The following GPC6 variants were observed in gnomAD, a reference collection of about 807,000 sequenced individuals.
The protein encoded by GPC6 is glypican-6.
GPC6 carries 14 observed loss-of-function variants against 55.2 expected under a neutral mutation model. The ratio of observed to expected loss-of-function variants is 0.25; its 90% CI spans 0.17 to 0.40. GPC6 has a LOEUF of 0.40. Ranked by LOEUF, GPC6 falls within the 10% of genes least tolerant of loss-of-function variation. GPC6 has a pLI of 1.00. For synonymous variants in GPC6, 278 were observed against 259.6 expected (o/e 1.07, Z -0.68); for missense variants, 641 against 708.5 (o/e 0.90, Z 1.08).
At chr13:94,145,930 A>G (rs1442992970) in intron 4 of GPC6, among the ~76,000 whole-genome samples, 1 of 152,188 alleles carries the variant, frequency 6.6e-6, no homozygotes, top group Non-Finnish European at 1.5e-5. Context: ...AGGAGGATCA[A>G]ATGGACTTCT....
intron 1 of GPC6, among the ~76,000 whole-genome samples, chr13:93,412,675 A>C (rs1876552080): frequency 1.3e-5 from 2 of 152,106 alleles, no homozygotes; most frequent in African/African-American, 4.8e-5. Context: ...ACAAACAAAT[A>C]AATCCAGGCC....
At chr13:93,366,097 C>CAG (rs1881238374) in intron 1 of GPC6, among the ~76,000 whole-genome samples, 1 of 152,050 alleles carries the variant, frequency 6.6e-6, no homozygotes, top group South Asian at 2.1e-4. Flanking sequence ...TTGTATGCAG[C>CAG]AGAACACAAT....
At chr13:94,114,802 A>C (rs1178155732) in intron 4 of GPC6, among the ~76,000 whole-genome samples, 3 of 152,182 alleles carry the variant, frequency 2.0e-5, no homozygotes, top group Non-Finnish European at 4.4e-5. Context: ...TCTTGTTAGA[A>C]GCCAAGCTTA....
At chr13:93,230,694 T>G (rs1008521328) in intron 1 of GPC6, among the ~76,000 whole-genome samples, 2 of 152,172 alleles carry the variant, frequency 1.3e-5, no homozygotes, top group Non-Finnish European at 2.9e-5. Context: ...TTAGGAGAGT[T>G]ACTCTCATCA....
intron 3 of GPC6, among the ~76,000 whole-genome samples, chr13:93,895,242 A>ATG (rs1875938984): frequency 1.8e-5 from 1 of 54,390 alleles, no homozygotes. Context: ...GTGTATATAT[A>ATG]TATATATATA....
intron 2 of GPC6, among the ~76,000 whole-genome samples, chr13:93,750,083 G>T (rs577208584): frequency 6.6e-6 from 1 of 152,168 alleles, no homozygotes; most frequent in South Asian, 2.1e-4. Context: ...TTAGGGGAGA[G>T]AAAACTGTAT....
At chr13:93,958,668 G>A in intron 3 of GPC6, among the ~76,000 whole-genome samples, 1 of 151,872 alleles carries the variant, frequency 6.6e-6, no homozygotes, top group East Asian at 1.9e-4. Flanking sequence ...GGGTTGCTTT[G>A]GCTATTTGGG....
intron 1 of GPC6, among the ~76,000 whole-genome samples, chr13:93,348,067 G>A (rs1309135394): frequency 6.6e-6 from 1 of 152,108 alleles, no homozygotes; most frequent in East Asian, 1.9e-4. Context: ...TATTTCCTCT[G>A]GCATAATGTT....
At chr13:93,987,387 AAC>A (rs1175788596) in intron 3 of GPC6, among the ~76,000 whole-genome samples, 2 of 152,208 alleles carry the variant, frequency 1.3e-5, no homozygotes, top group African/African-American at 2.4e-5. Context: ...CTTAATAAGA[AAC>A]AGTTATTAAA....
chr13:93,513,636 C>T (rs562970139), intron 1 of GPC6, among the ~76,000 whole-genome samples: 1 of 152,290 alleles, frequency 6.6e-6, no homozygotes, highest in East Asian at 1.9e-4. Context: ...TACTCAATAA[C>T]TCCTCCTGCC....
At chr13:93,493,817 A>G (rs963003383) in intron 1 of GPC6, among the ~76,000 whole-genome samples, 1 of 116,362 alleles carries the variant, frequency 8.6e-6, no homozygotes, top group Non-Finnish European at 1.9e-5. Context: ...TTCAGTTTCC[A>G]TGTAGTTGAG....
At chr13:94,010,234 T>C (rs76098539) in intron 3 of GPC6, among the ~76,000 whole-genome samples, 1,825 of 152,274 alleles carry the variant, frequency 0.012, 30 homozygotes, top group African/African-American at 0.035. Context: ...CTCATAAAAC[T>C]TCCTTCAAAA....
At chr13:93,451,898 C>T (rs1412076617) in intron 1 of GPC6, among the ~76,000 whole-genome samples, 1 of 152,068 alleles carries the variant, frequency 6.6e-6, no homozygotes, top group East Asian at 1.9e-4. Context: ...GATACCAGAG[C>T]AGTGTATTTC....
intron 1 of GPC6, among the ~76,000 whole-genome samples, chr13:93,453,880 A>C (rs1878325609): frequency 6.6e-6 from 1 of 152,080 alleles, no homozygotes; most frequent in African/African-American, 2.4e-5. Flanking sequence ...ACAGTGTGGA[A>C]GGGGACCTGA....
intron 1 of GPC6, among the ~76,000 whole-genome samples, chr13:93,260,311 G>A (rs946178514): frequency 1.3e-5 from 2 of 151,938 alleles, no homozygotes; most frequent in Non-Finnish European, 2.9e-5. Context: ...TGGCCATCAC[G>A]TAAAAATAAT....
chr13:94,316,711 C>T (rs1282478464), intron 6 of GPC6, among the ~76,000 whole-genome samples: 3 of 121,110 alleles, frequency 2.5e-5, no homozygotes, highest in South Asian at 5.3e-4. Context: ...AGCGAGACTC[C>T]GTCTCAAAAA....
chr13:94,379,309 A>G (rs1880051036), intron 6 of GPC6, among the ~76,000 whole-genome samples: 1 of 152,070 alleles, frequency 6.6e-6, no homozygotes, highest in African/African-American at 2.4e-5. Flanking sequence ...TCTGCAGGTG[A>G]ATTGGCCAGT....
chr13:93,960,661 G>T (rs1253971755), intron 3 of GPC6, among the ~76,000 whole-genome samples: 2 of 152,002 alleles, frequency 1.3e-5, no homozygotes, highest in Non-Finnish European at 2.9e-5. Context: ...TTCACACATT[G>T]GATCCCAAGT....
rs145061010 is a variant in GPC6 at position 93,785,806 on chromosome 13, T to C, written c.320-44348T>C. Among the ~76,000 whole-genome samples the C allele has an allele frequency of 5.2e-3, 787 of 151,682 alleles. 7 individuals are homozygous for C. The highest frequency in any genetic ancestry group is 0.018 in the African/African-American group (753 of 41,348). On this transcript the variant is annotated intron_variant, in intron 2 of 8. Coordinates refer to ENST00000377047, the MANE Select transcript of GPC6 (RefSeq NM_005708.5). ...CAAGACCCCATCTCTACAAAAAAAT[T>C]AAAAAATTAGCCAGGCAGAGTGGGG...
Sources: allele counts gnomAD v4.1 joint callset (sites outside exome capture counted in the v4.1 genomes callset), GRCh38; gene constraint gnomAD v4.1.1; transcripts MANE v1.5; gene names NCBI Gene and HGNC (gene_info 2026-07-23, HGNC 2026-07-21).